The following SUGCT variants were observed in gnomAD, a reference collection of about 807,000 sequenced individuals.
The protein encoded by SUGCT is succinyl-CoA:glutarate-CoA transferase, also known as succinyl-CoA:glutarate CoA-transferase.
SUGCT carries 41 observed loss-of-function variants against 55.0 expected under a neutral mutation model. The observed-to-expected ratio is 0.74, with a 90% confidence interval of 0.58 to 0.97. The LOEUF is 0.97. Ranked by LOEUF, SUGCT falls within the 50% of genes least tolerant of loss-of-function variation. The pLI, the probability that SUGCT is intolerant of heterozygous loss-of-function variation, is 0.00. For synonymous variants in SUGCT, 187 were observed against 200.4 expected (o/e 0.93, Z 0.56); for missense variants, 568 against 547.8 (o/e 1.04, Z -0.37).
At chr7:40,152,069 C>T (rs901777394) in intron 1 of SUGCT, among the ~76,000 whole-genome samples, 3 of 152,154 alleles carry the variant, frequency 2.0e-5, no homozygotes, top group East Asian at 1.9e-4. Flanking sequence ...ATATCCTCAG[C>T]ACCAGTGTTA....
At chr7:40,674,072 A>T (rs1201921798) in intron 12 of SUGCT, among the ~76,000 whole-genome samples, 1 of 152,226 alleles carries the variant, frequency 6.6e-6, no homozygotes, top group African/African-American at 2.4e-5. Context: ...GATTAAGCAT[A>T]TTATGCAAGA....
At chr7:40,599,320 T>C (rs1798178462) in intron 12 of SUGCT, among the ~76,000 whole-genome samples, 1 of 152,118 alleles carries the variant, frequency 6.6e-6, no homozygotes, top group South Asian at 2.1e-4. Context: ...AATTGAAGGG[T>C]AAGGAATGTT....
At chr7:40,285,309 A>C (rs1179647224) in intron 8 of SUGCT, among the ~76,000 whole-genome samples, 1 of 152,142 alleles carries the variant, frequency 6.6e-6, no homozygotes, top group East Asian at 1.9e-4. Flanking sequence ...CATGAATTTA[A>C]TGGACTATTC....
chr7:40,952,996 G>C, the SUGCT span, among the ~76,000 whole-genome samples: 2 of 152,102 alleles, frequency 1.3e-5, no homozygotes, highest in African/African-American at 4.8e-5. Flanking sequence ...TTGAATGTTG[G>C]CCTGCCTTGC....
At chr7:40,982,918 G>A in the SUGCT span, among the ~76,000 whole-genome samples, 19 of 152,228 alleles carry the variant, frequency 1.2e-4, no homozygotes, top group East Asian at 3.5e-3. Context: ...CAACGTTCTG[G>A]GATTACAGGC....
chr7:40,932,458 A>G, the SUGCT span, among the ~76,000 whole-genome samples: 2 of 152,196 alleles, frequency 1.3e-5, no homozygotes, highest in South Asian at 4.1e-4. Context: ...TGCAGAGCTG[A>G]GTTCAAGTCC....
At chr7:40,503,781 A>G (rs1404157278) in intron 12 of SUGCT, among the ~76,000 whole-genome samples, 7 of 152,208 alleles carry the variant, frequency 4.6e-5, no homozygotes, top group Non-Finnish European at 1.0e-4. Flanking sequence ...CAGATGTCAG[A>G]AAGAAAAGAA....
At chr7:40,738,965 T>C (rs546634629) in intron 12 of SUGCT, among the ~76,000 whole-genome samples, 5 of 152,196 alleles carry the variant, frequency 3.3e-5, no homozygotes, top group African/African-American at 7.2e-5. Context: ...TATTTCTAGC[T>C]GAGAAAATAA....
chr7:40,382,886 G>A (rs566163449), intron 9 of SUGCT, among the ~76,000 whole-genome samples: 181 of 152,240 alleles, frequency 1.2e-3, no homozygotes, highest in African/African-American at 3.9e-3. Context: ...ATATTACATA[G>A]AGAACTAATA....
At chr7:40,567,575 C>T (rs1796216194) in intron 12 of SUGCT, among the ~76,000 whole-genome samples, 1 of 152,188 alleles carries the variant, frequency 6.6e-6, no homozygotes, top group South Asian at 2.1e-4. Flanking sequence ...CTCATCCTTC[C>T]TCCTCTCTAT....
the SUGCT span, among the ~76,000 whole-genome samples, chr7:41,000,099 G>A: frequency 6.6e-6 from 1 of 152,068 alleles, no homozygotes; most frequent in African/African-American, 2.4e-5. Context: ...TTGGGAGAAG[G>A]CAGATTTCAT....
intron 12 of SUGCT, among the ~76,000 whole-genome samples, chr7:40,599,365 G>A (rs1798180035): frequency 6.6e-6 from 1 of 152,162 alleles, no homozygotes; most frequent in African/African-American, 2.4e-5. Flanking sequence ...GTGTGGGAGG[G>A]TAGATGATAG....
At chr7:40,817,832 C>G (rs536334945) in intron 13 of SUGCT, among the ~76,000 whole-genome samples, 1 of 152,186 alleles carries the variant, frequency 6.6e-6, no homozygotes, top group South Asian at 2.1e-4. Flanking sequence ...GAAGGAACAT[C>G]TGGAAGAGTT....
intron 13 of SUGCT, among the ~76,000 whole-genome samples, chr7:40,854,484 C>CTCTTTCTTTCTTTCTT (rs150153135): frequency 7.5e-5 from 8 of 106,184 alleles, no homozygotes; most frequent in African/African-American, 2.9e-4. Context: ...TTCTCTTTCT[C>CTCTTTCTTTCTTTCTT]TCTTTCTTTC....
intron 9 of SUGCT, among the ~76,000 whole-genome samples, chr7:40,435,222 G>T (rs1027632982): frequency 1.3e-5 from 2 of 152,148 alleles, no homozygotes; most frequent in Non-Finnish European, 2.9e-5. Context: ...CTAATAAGAA[G>T]GACTGAGGTC....
At chr7:40,534,448 G>T (rs1794249894) in intron 12 of SUGCT, among the ~76,000 whole-genome samples, 1 of 151,892 alleles carries the variant, frequency 6.6e-6, no homozygotes, top group Non-Finnish European at 1.5e-5. Context: ...GCAGTGGCAC[G>T]ATCTTGGCTC....
chr7:40,455,255 G>A (rs1789417768), intron 10 of SUGCT, among the ~76,000 whole-genome samples: 1 of 151,960 alleles, frequency 6.6e-6, no homozygotes, highest in South Asian at 2.1e-4. Flanking sequence ...AATCAAAATA[G>A]GTAAGTGTAA....
intron 12 of SUGCT, chr7:40,539,722 T>C (rs1010548132): frequency 1.3e-5 from 2 of 152,220 alleles, no homozygotes; most frequent in African/African-American, 4.8e-5. Context: ...CTTAATGATA[T>C]TGTACAAAGT....
chr7:40,316,724 T>C (rs1348338232), intron 8 of SUGCT, 36 bp from the exon 9 acceptor site: 1 of 1,290,560 alleles, frequency 7.7e-7, no homozygotes, highest in East Asian at 2.5e-5. Context: ...ATAAACTAGC[T>C]GTTCTATTTT....
Sources: gnomAD v4.1 joint callset for allele counts (sites outside exome capture counted in the v4.1 genomes callset) on GRCh38, gnomAD v4.1.1 for gene constraint, MANE v1.5 for transcripts, NCBI Gene and HGNC (gene_info 2026-07-23, HGNC 2026-07-21) for gene names.